The following SLC23A1 variants were observed in gnomAD, a reference collection of about 807,000 sequenced individuals.
SLC23A1 encodes the protein solute carrier family 23 member 1.
SLC23A1 carries 31 observed loss-of-function variants against 62.5 expected under a neutral mutation model. The ratio of observed to expected loss-of-function variants is 0.50; its 90% CI spans 0.37 to 0.67. The LOEUF is 0.67. SLC23A1 is among the 30% of genes least tolerant of loss of function. The pLI, the probability that SLC23A1 is intolerant of heterozygous loss-of-function variation, is 0.00. For missense variants in SLC23A1, 640 were observed against 782.7 expected, an observed-to-expected ratio of 0.82 and a Z score of 2.18; for synonymous variants, 271 against 313.2, an observed-to-expected ratio of 0.87 and a Z score of 1.42.
chr5:139,383,614 C>T (rs1490816535), upstream of SLC23A1, among the ~76,000 whole-genome samples: 3 of 152,174 alleles, frequency 2.0e-5, no homozygotes, highest in Non-Finnish European at 2.9e-5. Flanking sequence ...TATTATGTAA[C>T]CCCCTGTATG....
chr5:139,377,386 C>T lies in SLC23A1; in HGVS notation c.1549+16G>A, dbSNP rs1308785677. 1.4e-6 allele frequency: 2 copies of T among 1,455,824 alleles called. No individual in the cohort carries two copies. The highest frequency in any genetic ancestry group is 1.9e-6 in the Non-Finnish European group (2 of 1,035,504). The allele number at this position is 1,455,824 out of a possible 1,614,324, so 90.2% of individuals were successfully genotyped here. On this transcript the variant is annotated intron_variant, in intron 13 of 14. Transcript: ENST00000348729. The stretch of plus-strand genomic sequence containing the variant: ...CCAGCCTAGTTCTTCATTCCCCTCC[C>T]AGGACCGAACCATACCTGGCACTGT...
At chr5:139,376,403 C>T (rs965588474) in intron 13 of SLC23A1, among the ~76,000 whole-genome samples, 6 of 152,026 alleles carry the variant, frequency 3.9e-5, no homozygotes, top group Admixed American at 6.6e-5. Flanking sequence ...CTCCTGACCT[C>T]GTGATCCACC....
chr5:139,373,338 C>T (rs1414432426), intron 13 of SLC23A1, among the ~76,000 whole-genome samples: 2 of 151,950 alleles, frequency 1.3e-5, no homozygotes, highest in African/African-American at 4.8e-5. Context: ...CCACCACGCC[C>T]GGCTAATTAC....
rs1209276948 is a variant in SLC23A1, at chr5:139,378,979, G to T, written c.1073+228C>A. On this transcript the variant is annotated intron_variant, in intron 9 of 14. Coordinates refer to ENST00000348729, the MANE Select transcript of SLC23A1 (RefSeq NM_005847.5). This position sits in a 1 kb window ranked among gnomAD's most constrained non-coding sequence, Gnocchi z 4.5. ...ACAGTCAGAGCCGGGCACATGGAGG[G>T]CTGTCAATGACGGTGGTTCCCTTTG... 6.6e-6 allele frequency among the ~76,000 whole-genome samples: 1 copy of T among 152,170 alleles called. No homozygotes were observed. The highest frequency in any genetic ancestry group is 1.5e-5 in the Non-Finnish European group (1 of 68,016).
In SLC23A1 at chr5:139,379,500, G is replaced by C. The variant is rs1339987452; in HGVS notation, c.926-146C>G. On this transcript the variant is annotated intron_variant, in intron 8 of 14. Transcript: ENST00000348729. The surrounding 1 kb of genome is among the most constrained non-coding windows in gnomAD (Gnocchi z 4.7). The stretch of plus-strand genomic sequence containing the variant: ...TATACAGTTGTGGGAGCTTATTTGA[G>C]TCACTCAGAGCCAGGAAGTGGGACT... 1 of 1,027,578 alleles carries C rather than the reference G, an allele frequency of 9.7e-7. No homozygotes were observed. The highest frequency in any genetic ancestry group is 1.4e-5 in the South Asian group (1 of 73,628). 63.7% of individuals were successfully genotyped at this position (1,027,578 alleles called of 1,614,324 possible). A position where few individuals can be genotyped will look rare whatever the true frequency, so the allele number is the denominator to read the frequency against.
intron 14 of SLC23A1, chr5:139,369,018 G>C: frequency 2.4e-6 from 1 of 419,560 alleles, no homozygotes; most frequent in South Asian, 4.3e-5. Context: ...GGCTTGATGT[G>C]AAGACAGCAA....
upstream of SLC23A1, chr5:139,384,234 C>G: frequency 1.3e-6 from 1 of 771,106 alleles, no homozygotes; most frequent in Non-Finnish European, 1.8e-6. Flanking sequence ...CCTGAGATGG[C>G]AGAGGGGGAC....
Position 139,379,456 on chromosome 5 carries a change from C to A in SLC23A1, c.926-102G>T. On this transcript the variant is annotated intron_variant, in intron 8 of 14. Coordinates refer to ENST00000348729, the MANE Select transcript of SLC23A1 (RefSeq NM_005847.5). The surrounding 1 kb of genome is among the most constrained non-coding windows in gnomAD (Gnocchi z 4.7). ...AAGGAGCAAGAGCAGATCAGGAGAC[C>A]TCAGGCTGGGATGGGAGCTATACAG... 1 of 1,246,504 alleles carries A rather than the reference C, an allele frequency of 8.0e-7. No homozygotes were observed. The highest frequency in any genetic ancestry group is 1.9e-5 in the Admixed American group (1 of 52,608). The allele number at this position is 1,246,504 out of a possible 1,614,324, so 77.2% of individuals were successfully genotyped here. A position where few individuals can be genotyped will look rare whatever the true frequency, so the allele number is the denominator to read the frequency against.
At chr5:139,370,401 CT>C (rs1757580484) in intron 14 of SLC23A1, among the ~76,000 whole-genome samples, 1 of 152,150 alleles carries the variant, frequency 6.6e-6, no homozygotes, top group African/African-American at 2.4e-5. Context: ...GAACTCCTGA[CT>C]TCAGGTTATC....
intron 13 of SLC23A1, among the ~76,000 whole-genome samples, chr5:139,373,375 A>AC (rs892934877): frequency 2.0e-5 from 3 of 151,994 alleles, no homozygotes; most frequent in Non-Finnish European, 4.4e-5. Flanking sequence ...ATGAGGTTTC[A>AC]CCATGTTGGC....
At position 139,378,368 on chromosome 5, in the gene SLC23A1, G is replaced by A. The variant is rs1265148077; in HGVS notation, c.1180-17C>T. 1.9e-6 allele frequency: 3 copies of A among 1,553,540 alleles called. No homozygotes were observed. The highest frequency in any genetic ancestry group is 2.2e-4 in the Middle Eastern group (1 of 4,492). ...GCTGCCCACCTGCCGGGGAGCCAGC[G>A]GGGAAGCTAGACCTGGGGACGAGGC... On this transcript the variant is annotated splice_polypyrimidine_tract_variant and intron_variant, in intron 10 of 14. Coordinates refer to ENST00000348729, the MANE Select transcript of SLC23A1 (RefSeq NM_005847.5). This position sits in a 1 kb window ranked among gnomAD's most constrained non-coding sequence, Gnocchi z 4.5.
At chr5:139,373,362 G>C (rs1757782854) in intron 13 of SLC23A1, among the ~76,000 whole-genome samples, 1 of 152,118 alleles carries the variant, frequency 6.6e-6, no homozygotes, top group South Asian at 2.1e-4. Flanking sequence ...AATTTTAATA[G>C]AGATGAGGTT....
chr5:139,372,839 T>A (rs1360761882), intron 13 of SLC23A1, among the ~76,000 whole-genome samples: 1 of 152,132 alleles, frequency 6.6e-6, no homozygotes, highest in African/African-American at 2.4e-5. Context: ...TGGCTTGGCC[T>A]CCCAAAGTGC....
chr5:139,375,418 C>T (rs1439630086), intron 13 of SLC23A1, among the ~76,000 whole-genome samples: 2 of 152,214 alleles, frequency 1.3e-5, no homozygotes, highest in African/African-American at 4.8e-5. Context: ...GTACTCTCAG[C>T]TCTTCAGGAG....
chr5:139,373,848 T>C (rs779905453), intron 13 of SLC23A1, among the ~76,000 whole-genome samples: 3 of 152,138 alleles, frequency 2.0e-5, no homozygotes, highest in Non-Finnish European at 4.4e-5. Flanking sequence ...GAGCCATAGG[T>C]GTGGCGTAGG....
chr5:139,375,735 T>C (rs926536590), intron 13 of SLC23A1, among the ~76,000 whole-genome samples: 7 of 151,378 alleles, frequency 4.6e-5, no homozygotes, highest in African/African-American at 1.7e-4. Context: ...CTTGGGAGGC[T>C]GAGGCAAGAG....
intron 3 of SLC23A1, 98 bp downstream of exon 3, chr5:139,381,790 CTTTT>C: frequency 1.0e-6 from 1 of 989,672 alleles, no homozygotes; most frequent in Non-Finnish European, 1.5e-6. Flanking sequence ...CAGAAAGCGG[CTTTT>C]TTGTCTCACC....
At chr5:139,382,402 G>A (rs1251397676) in intron 2 of SLC23A1, 90 bp downstream of exon 2, 1 of 723,836 alleles carries the variant, frequency 1.4e-6, no homozygotes, top group Non-Finnish European at 2.4e-6. Flanking sequence ...TTTTCTTCCT[G>A]TTACCCAAGA....
At position 139,377,406 on chromosome 5, in the gene SLC23A1, C is replaced by T; in HGVS notation, c.1545G>A (p.Val515=). 1 of 1,571,902 alleles carries T rather than the reference C, an allele frequency of 6.4e-7. No individual in the cohort carries two copies. The highest frequency in any genetic ancestry group is 1.1e-5 in the South Asian group (1 of 90,256). The change falls in exon 13 of 15, where the codon GTG becomes GTA. Residue 515 remains valine, a synonymous_variant. Coordinates refer to ENST00000348729, the MANE Select transcript of SLC23A1 (RefSeq NM_005847.5). ...GCLAFILDNT[V]PGSPEERGLI... ...CCTCCCAGGACCGAACCATACCTGGCACTGTGTTGTCAAGTATGAAAGCAA... is the reference window on the plus strand; with the variant it reads ...CCTCCCAGGACCGAACCATACCTGGTACTGTGTTGTCAAGTATGAAAGCAA...
Sources: allele counts gnomAD v4.1 joint callset (sites outside exome capture counted in the v4.1 genomes callset), GRCh38; gene constraint gnomAD v4.1.1; non-coding constraint Gnocchi (gnomAD v3.1); transcripts MANE v1.5; gene names NCBI Gene and HGNC (gene_info 2026-07-23, HGNC 2026-07-21).